ANKS1B: variants seen among roughly 807,000 people sequenced by gnomAD.
ANKS1B encodes ankyrin repeat and sterile alpha motif domain containing 1B.
In ANKS1B, 36 loss-of-function variants were observed where a neutral mutation model predicts 148.3. The ratio of observed to expected loss-of-function variants is 0.24; its 90% CI spans 0.19 to 0.32. ANKS1B has a LOEUF of 0.32. Among genes scored for constraint, ANKS1B ranks in the 10% least tolerant of loss-of-function variants. The pLI is 1.00. For synonymous variants in ANKS1B, 542 were observed against 560.8 expected (o/e 0.97, Z 0.47); for missense variants, 1,157 against 1,542.6 (o/e 0.75, Z 4.19).
In ANKS1B at chr12:98,801,037, G is replaced by T; in HGVS notation, c.3230C>A (p.Pro1077Gln). The change falls in exon 21 of 27, where the codon CCA becomes CAA. Residue 1077 changes from proline to glutamine, a missense_variant. By Grantham distance (76) the Pro-to-Gln change is moderately conservative. This residue lies in a region of ANKS1B where 258 missense variants were observed against 497.0 expected (regional missense o/e 0.52). Transcript: ENST00000683438. This position sits in a 1 kb window ranked among gnomAD's most constrained non-coding sequence, Gnocchi z 5.2. ...STPVQYWQHH[P>Q]EKLIFQSCDY... is the part of the protein sequence containing the mutation. ...ACACGACTGGAAGATAAGCTTTTCT[G>T]GGTGATGCTGCCAGTACTGTACCGG... 1.2e-6 allele frequency: 2 copies of T among 1,612,582 alleles called. No homozygotes were observed. Among genetic ancestry groups the T allele is most frequent in the Non-Finnish European group, 1.7e-6 (2 of 1,179,310 alleles).
chr12:99,520,559 G>A (rs1188887696), intron 9 of ANKS1B, among the ~76,000 whole-genome samples: 2 of 151,918 alleles, frequency 1.3e-5, no homozygotes, highest in Admixed American at 1.3e-4. Context: ...ATCTTCTTTG[G>A]TTTAAATCTG....
At chr12:99,760,295 G>A (rs1313734702) in intron 8 of ANKS1B, among the ~76,000 whole-genome samples, 1 of 151,702 alleles carries the variant, frequency 6.6e-6, no homozygotes, top group Non-Finnish European at 1.5e-5. Flanking sequence ...GCCATAAAGC[G>A]AGTCTCAATA....
intron 12 of ANKS1B, among the ~76,000 whole-genome samples, chr12:99,340,170 T>C (rs1384925891): frequency 1.3e-5 from 2 of 152,168 alleles, no homozygotes; most frequent in African/African-American, 2.4e-5. Context: ...ATTAGCCTGC[T>C]CCAAGTTGCA....
chr12:99,179,376 C>T (rs1406935622), intron 14 of ANKS1B, among the ~76,000 whole-genome samples: 4 of 141,668 alleles, frequency 2.8e-5, no homozygotes, highest in Non-Finnish European at 6.0e-5. Flanking sequence ...TTGCAGTGAG[C>T]CGAAATGGCA....
intron 22 of ANKS1B, chr12:98,795,603 T>G (rs1376971800): frequency 2.2e-6 from 1 of 444,508 alleles, no homozygotes; most frequent in East Asian, 7.0e-5. Flanking sequence ...CTCCTGTTTT[T>G]GGAAAGTAGA....
chr12:99,567,150 C>T (rs1489801006), intron 9 of ANKS1B, among the ~76,000 whole-genome samples: 1 of 152,122 alleles, frequency 6.6e-6, no homozygotes, highest in Non-Finnish European at 1.5e-5. Flanking sequence ...TTACTCAGGT[C>T]ATTGGAAGAA....
chr12:99,830,057 G>A (rs947202370), intron 1 of ANKS1B, among the ~76,000 whole-genome samples: 9 of 152,160 alleles, frequency 5.9e-5, no homozygotes, highest in African/African-American at 1.9e-4. Context: ...AGGAAACCTA[G>A]AATGAAGAGA....
intron 17 of ANKS1B, among the ~76,000 whole-genome samples, chr12:99,036,502 C>T (rs2099955673): frequency 6.6e-6 from 1 of 152,172 alleles, no homozygotes. Flanking sequence ...TCACAATTGC[C>T]ATCACATGGT....
At chr12:98,825,755 T>C (rs976888233) in intron 19 of ANKS1B, among the ~76,000 whole-genome samples, 12 of 152,178 alleles carry the variant, frequency 7.9e-5, no homozygotes, top group African/African-American at 2.7e-4. Flanking sequence ...GACTTCTAAA[T>C]ATCATTCAAG....
intron 1 of ANKS1B, among the ~76,000 whole-genome samples, chr12:99,915,225 C>CA (rs34176071): frequency 0.52 from 52,318 of 101,474 alleles, 13,204 homozygotes; most frequent in Middle Eastern, 0.63. Context: ...AAAGCTGTCT[C>CA]AAAAAAAAAA....
At chr12:99,255,201 C>A (rs938271634) in intron 12 of ANKS1B, among the ~76,000 whole-genome samples, 10 of 151,972 alleles carry the variant, frequency 6.6e-5, no homozygotes, top group African/African-American at 2.4e-4. Context: ...AGTCTCTATA[C>A]CTTTTTGAAG....
chr12:99,343,703 CTCTTT>C (rs1232066186), intron 12 of ANKS1B: 1 of 152,050 alleles, frequency 6.6e-6, no homozygotes, highest in Non-Finnish European at 1.5e-5. Context: ...TTCTTGTCTT[CTCTTT>C]TATTTACATC....
chr12:99,083,361 T>C (rs548677788), intron 16 of ANKS1B, among the ~76,000 whole-genome samples: 1 of 152,244 alleles, frequency 6.6e-6, no homozygotes, highest in African/African-American at 2.4e-5. Context: ...CCCACAGTCT[T>C]TTTGCAAACA....
At chr12:98,825,601 CG>C (rs1167299201) in intron 19 of ANKS1B, among the ~76,000 whole-genome samples, 3 of 152,020 alleles carry the variant, frequency 2.0e-5, no homozygotes, top group African/African-American at 7.2e-5. Context: ...TTTTCTCATA[CG>C]TTTTTCTGTA....
intron 20 of ANKS1B, among the ~76,000 whole-genome samples, chr12:98,803,873 G>A (rs2099027430): frequency 6.6e-6 from 1 of 152,188 alleles, no homozygotes; most frequent in Non-Finnish European, 1.5e-5. Context: ...TAAAGCCAGA[G>A]CCACAGCCAA....
chr12:99,746,686 G>A (rs988546152), intron 8 of ANKS1B, among the ~76,000 whole-genome samples: 1 of 152,156 alleles, frequency 6.6e-6, no homozygotes, highest in African/African-American at 2.4e-5. Flanking sequence ...CTAAGGGATG[G>A]ATGGCTGTAA....
chr12:98,795,522 C>G, intron 22 of ANKS1B: 1 of 390,194 alleles, frequency 2.6e-6, no homozygotes, highest in Non-Finnish European at 4.9e-6. Context: ...TTTTTCTAGC[C>G]TAGCAATGAT....
intron 17 of ANKS1B, among the ~76,000 whole-genome samples, chr12:98,902,796 C>T (rs2099773893): frequency 6.6e-6 from 1 of 152,144 alleles, no homozygotes; most frequent in African/African-American, 2.4e-5. Flanking sequence ...AATTATTCAA[C>T]CAGAGAATCA....
At chr12:99,246,191 A>C in intron 13 of ANKS1B, 84 bp downstream of exon 13, 1 of 1,028,054 alleles carries the variant, frequency 9.7e-7, no homozygotes. Flanking sequence ...CTTTTGAAAG[A>C]GCTAAAAAGC....
Sources: gnomAD v4.1 joint callset for allele counts (sites outside exome capture counted in the v4.1 genomes callset) on GRCh38, gnomAD v4.1.1 for gene constraint, gnomAD v4.1.1 regional missense constraint, Gnocchi (gnomAD v3.1) non-coding constraint, MANE v1.5 for transcripts, NCBI Gene and HGNC (gene_info 2026-07-23, HGNC 2026-07-21) for gene names.